GAD1: variants seen among roughly 807,000 people sequenced by gnomAD.
GAD1 encodes the protein glutamate decarboxylase 1, also known as 67 kDa glutamic acid decarboxylase.
A neutral mutation model predicts 75.2 loss-of-function variants in GAD1; 35 were observed. That is an observed-to-expected ratio of 0.47 (90% CI 0.36 to 0.62). The LOEUF is 0.62. GAD1 is among the 20% of genes least tolerant of loss of function. The probability of loss-of-function intolerance (pLI) is 0.00; values close to 1 mark genes in which losing one functional copy is unlikely to be tolerated. For synonymous variants in GAD1, 257 were observed against 271.9 expected (o/e 0.95, Z 0.54); for missense variants, 490 against 758.5 (o/e 0.65, Z 4.16).
chr2:170,843,629 T>C (rs1303170354), intron 6 of GAD1, among the ~76,000 whole-genome samples: 1 of 152,074 alleles, frequency 6.6e-6, no homozygotes, highest in Non-Finnish European at 1.5e-5. Flanking sequence ...CTTTTTTTTT[T>C]TTTTTTTTAA....
chr2:170,838,248 G>A (rs1702421061), intron 6 of GAD1, among the ~76,000 whole-genome samples: 2 of 152,194 alleles, frequency 1.3e-5, no homozygotes, highest in South Asian at 4.1e-4. Flanking sequence ...GGGTCACTGA[G>A]ATTTGGAAGA....
At chr2:170,815,502 T>C (rs971126976), upstream of GAD1, among the ~76,000 whole-genome samples, 2 of 152,142 alleles carry the variant, frequency 1.3e-5, no homozygotes, top group African/African-American at 2.4e-5. Context: ...TATAATATTT[T>C]TGTGTGTGTT....
Position 170,845,853 on chromosome 2 carries a change from A to G in GAD1, c.947+68A>G, listed in dbSNP as rs1369832372. On this transcript the variant is annotated intron_variant, in intron 9 of 16. Coordinates refer to ENST00000358196, the MANE Select transcript of GAD1 (RefSeq NM_000817.3). ...TGTGTTCATCTGTTAAATTTGTTTT[A>G]TTGTGCTTAAGGACTGGCTCAGTAC... is the stretch of plus-strand genomic sequence containing the variant. The G allele has an allele frequency of 3.9e-6, 6 of 1,537,022 alleles. No homozygotes were observed. In the Admixed American group the frequency reaches 5.0e-5, roughly 13 times the overall value.
chr2:170,829,431 G>T (rs761172051), intron 3 of GAD1, 44 bp from the exon 4 acceptor site: 1 of 1,609,018 alleles, frequency 6.2e-7, no homozygotes, highest in Admixed American at 1.7e-5. Flanking sequence ...CTCAGGGGCT[G>T]GGCAGTTTGC....
At chr2:170,822,425 C>A (rs757722705) in intron 3 of GAD1, among the ~76,000 whole-genome samples, 2 of 152,206 alleles carry the variant, frequency 1.3e-5, no homozygotes, top group Non-Finnish European at 2.9e-5. Context: ...GGCGCAGAAG[C>A]GGGAGGAAAG....
intron 3 of GAD1, among the ~76,000 whole-genome samples, chr2:170,828,193 C>T (rs1268628008): frequency 1.5e-5 from 2 of 134,122 alleles, no homozygotes; most frequent in African/African-American, 5.6e-5. Context: ...CTGCTGTCCT[C>T]ACCTCTCCTC....
intron 3 of GAD1, among the ~76,000 whole-genome samples, chr2:170,825,263 G>A (rs1211454979): frequency 6.6e-6 from 1 of 152,036 alleles, no homozygotes; most frequent in Non-Finnish European, 1.5e-5. Flanking sequence ...TGGCCACATA[G>A]CTGCAGTCCT....
chr2:170,823,657 C>T, intron 3 of GAD1, among the ~76,000 whole-genome samples: 1 of 151,386 alleles, frequency 6.6e-6, no homozygotes, highest in African/African-American at 2.4e-5. Flanking sequence ...CCACCCCCAC[C>T]TCCACCCCCA....
intron 5 of GAD1, 39 bp downstream of exon 5, chr2:170,831,231 T>G: frequency 6.2e-7 from 1 of 1,610,864 alleles, no homozygotes; most frequent in East Asian, 2.2e-5. Flanking sequence ...GTGGCAACTT[T>G]GCCCTCCATC....
rs1429824763 is a variant in GAD1, at chr2:170,840,511, T to C, written c.639-3534T>C. Among the ~76,000 whole-genome samples, 3 of 152,176 alleles carry C rather than the reference T, an allele frequency of 2.0e-5. No individual in the cohort carries two copies. In the East Asian group the frequency reaches 5.8e-4, roughly 29 times the overall value. On this transcript the variant is annotated intron_variant, in intron 6 of 16. Coordinates refer to ENST00000358196, the MANE Select transcript of GAD1 (RefSeq NM_000817.3). ...AGATTTTGTGTGCCTTTCTAATCCC[T>C]ATTGTAGCACATGGCTCCCATCCTC...
chr2:170,827,508 C>G (rs1702053218), intron 3 of GAD1, among the ~76,000 whole-genome samples: 1 of 152,220 alleles, frequency 6.6e-6, no homozygotes, highest in African/African-American at 2.4e-5. Context: ...GGAGTGTGCT[C>G]CACGCTGGCA....
rs746308188 is a variant in GAD1 at position 170,860,276 on chromosome 2, G to A, written c.*394G>A. The A allele has an allele frequency of 2.9e-4, 62 of 213,490 alleles. 1 individual carries two copies. Among genetic ancestry groups the A allele is most frequent in the Admixed American group, 3.7e-4 (7 of 18,974 alleles). The allele number at this position is 213,490 out of a possible 1,614,324, so 13.2% of individuals were successfully genotyped here. ...CTCCAGGAAAACTGTTTTTCAAAACGCCATGTCCTAGGGGCCGAGGGAAAT... is the reference window on the plus strand; with the variant it reads ...CTCCAGGAAAACTGTTTTTCAAAACACCATGTCCTAGGGGCCGAGGGAAAT... On this transcript the variant is annotated 3_prime_UTR_variant, in exon 17 of 17. Transcript: ENST00000358196.
At chr2:170,826,703 G>A (rs1447944865) in intron 3 of GAD1, among the ~76,000 whole-genome samples, 3 of 152,212 alleles carry the variant, frequency 2.0e-5, no homozygotes, top group Non-Finnish European at 4.4e-5. Flanking sequence ...GCTTCAAGGT[G>A]GGGAGACTCA....
chr2:170,814,198 C>A (rs1701657240), upstream of GAD1, among the ~76,000 whole-genome samples: 1 of 152,146 alleles, frequency 6.6e-6, no homozygotes, highest in African/African-American at 2.4e-5. Flanking sequence ...AAATTCCTAC[C>A]GGAGAGAAGA....
chr2:170,828,652 C>T (rs1702118840), intron 3 of GAD1, among the ~76,000 whole-genome samples: 1 of 111,076 alleles, frequency 9.0e-6, no homozygotes, highest in African/African-American at 2.9e-5. Context: ...ACCCTCCTCC[C>T]TCTGCTGTCC....
rs369505970 is a variant in GAD1, at chr2:170,844,156, T to G, written c.750T>G (p.Pro250=). The G allele has an allele frequency of 1.3e-6, 2 of 1,514,272 alleles. No individual in the cohort carries two copies. Among genetic ancestry groups the G allele is most frequent in the African/African-American group, 2.7e-5 (2 of 72,846 alleles). The allele number at this position is 1,514,272 out of a possible 1,614,324, so 93.8% of individuals were successfully genotyped here. Residue 250 remains proline (P), a splice_region_variant and synonymous_variant, in exon 7 of 17, where the codon CCT becomes CCG. Coordinates refer to ENST00000358196, the MANE Select transcript of GAD1 (RefSeq NM_000817.3). ...AAGATGGTGATGGGATATTTTCTCC[T>G]GGTAGGTTTCTCTTCTCTTCCTCTT... The part of the protein sequence containing the change: ...SSKDGDGIFS[P]GGAISNMYSI...
At position 170,858,866 on chromosome 2, in the gene GAD1, C is replaced by G; in HGVS notation, c.1584C>G (p.Ser528Arg). The G allele has an allele frequency of 6.2e-7, 1 of 1,614,144 alleles. No individual in the cohort carries two copies. The highest frequency in any genetic ancestry group is 8.5e-7 in the Non-Finnish European group (1 of 1,179,980). ...AAAGCCTCAGGGGTGTGCCAGACAG[C>G]CCTCAACGACGGGAAAAGCTACACA... ...IPQSLRGVPD[S>R]PQRREKLHKV... Residue 528 changes from serine (S) to arginine (R), a missense_variant, in exon 16 of 17, where the codon AGC (serine) becomes AGG (arginine). This residue lies in a region of GAD1 where 324 missense variants were observed against 523.9 expected (regional missense o/e 0.62). Coordinates refer to ENST00000358196, the MANE Select transcript of GAD1 (RefSeq NM_000817.3).
rs780421116 is a variant in GAD1, at chr2:170,860,313, G to A, written c.*431G>A. The A allele has an allele frequency of 8.3e-5, 15 of 180,050 alleles. No individual in the cohort carries two copies. Among genetic ancestry groups the A allele is most frequent in the Non-Finnish European group, 1.4e-4 (12 of 83,750 alleles). The allele number at this position is 180,050 out of a possible 1,614,324, so 11.2% of individuals were successfully genotyped here. On this transcript the variant is annotated 3_prime_UTR_variant, in exon 17 of 17. Coordinates refer to ENST00000358196, the MANE Select transcript of GAD1 (RefSeq NM_000817.3). ...GGGCCGAGGGAAATGCTGTTGGTGA[G>A]AATCGACCTCACTGTCAGCGTTTCT... is the stretch of plus-strand genomic sequence containing the variant.
In GAD1 at chr2:170,818,764, G is replaced by C; in HGVS notation, c.82+91G>C. On this transcript the variant is annotated intron_variant, in intron 2 of 16. Coordinates refer to ENST00000358196, the MANE Select transcript of GAD1 (RefSeq NM_000817.3). This position sits in a 1 kb window ranked among gnomAD's most constrained non-coding sequence, Gnocchi z 5.9. ...AGGCTGAGCTGGCGGAAAGGGAAGG[G>C]GGAGCGCGGAGATAATGGAGGCTGG... The C allele has an allele frequency of 4.8e-6, 6 of 1,247,170 alleles. No individual in the cohort carries two copies. Among genetic ancestry groups the C allele is most frequent in the South Asian group, 2.4e-5 (2 of 83,616 alleles). The allele number at this position is 1,247,170 out of a possible 1,614,324, so 77.3% of individuals were successfully genotyped here.
Sources: gnomAD v4.1 joint callset for allele counts (sites outside exome capture counted in the v4.1 genomes callset) on GRCh38, gnomAD v4.1.1 for gene constraint, gnomAD v4.1.1 regional missense constraint, Gnocchi (gnomAD v3.1) non-coding constraint, MANE v1.5 for transcripts, NCBI Gene and HGNC (gene_info 2026-07-23, HGNC 2026-07-21) for gene names.